The following TRAPPC11 variants were observed in gnomAD, a reference collection of about 807,000 sequenced individuals.
TRAPPC11 encodes trafficking protein particle complex subunit 11.
A neutral mutation model predicts 151.2 loss-of-function variants in TRAPPC11; 104 were observed. That is an observed-to-expected ratio of 0.69 (90% confidence interval 0.59 to 0.81). TRAPPC11 has a LOEUF of 0.81. Among genes scored for constraint, TRAPPC11 ranks in the 30% least tolerant of loss-of-function variants. The pLI, the probability that TRAPPC11 is intolerant of heterozygous loss-of-function variation, is 0.00. For synonymous variants in TRAPPC11, 456 were observed against 472.3 expected (o/e 0.97, Z 0.45); for missense variants, 1,230 against 1,349.6 (o/e 0.91, Z 1.39).
chr4:183,712,933 A>AT lies in TRAPPC11; in HGVS notation c.*292dup. On this transcript the variant is annotated 3_prime_UTR_variant, in exon 30 of 30. Transcript: ENST00000334690. ...TGGTAAATTCTATGAAAAGTAAGTG[A>AT]TTTGCATGTATAATATCAGGAAAAT... 2.7e-6 allele frequency: 1 copy of AT among 373,778 alleles called. No homozygotes were observed. The highest frequency in any genetic ancestry group is 4.8e-6 in the Non-Finnish European group (1 of 209,286). The allele number at this position is 373,778 out of a possible 1,614,324, so 23.2% of individuals were successfully genotyped here.
chr4:183,663,975 C>G lies in TRAPPC11; in HGVS notation c.108C>G (p.Val36=). The G allele has an allele frequency of 6.2e-7, 1 of 1,614,114 alleles. No homozygotes were observed. Among genetic ancestry groups the G allele is most frequent in the Non-Finnish European group, 8.5e-7 (1 of 1,180,032 alleles). ...DVVYNAVHRA[V]WDAFCANRRA... Reference sequence around the variant, plus strand: ...TTTATAATGCAGTCCATCGAGCTGTCTGGGACGCCTTCTGTGCAAATCGGA... The same window carrying G: ...TTTATAATGCAGTCCATCGAGCTGTGTGGGACGCCTTCTGTGCAAATCGGA... Residue 36 remains valine (V), a synonymous_variant, in exon 2 of 30, where the codon GTC becomes GTG. Transcript: ENST00000334690.
intron 18 of TRAPPC11, among the ~76,000 whole-genome samples, chr4:183,688,593 A>G (rs1579197278): frequency 1.3e-5 from 2 of 152,368 alleles, no homozygotes; most frequent in African/African-American, 4.8e-5. Context: ...GATTTGATTC[A>G]TAAGAAAAGA....
intron 29 of TRAPPC11, 126 bp from the exon 30 acceptor site, chr4:183,712,474 A>T (rs1304686802): frequency 1.1e-6 from 1 of 930,778 alleles, no homozygotes; most frequent in East Asian, 2.4e-5. Context: ...TTTTATTTTG[A>T]TGCTTACACT....
At chr4:183,667,007 A>T in intron 3 of TRAPPC11, 53 bp from the exon 4 acceptor site, 1 of 1,453,128 alleles carries the variant, frequency 6.9e-7, no homozygotes. Flanking sequence ...TGAAGTCATG[A>T]ATACATTTTT....
At chr4:183,667,221 A>G (rs1734928498) in intron 4 of TRAPPC11, 91 bp downstream of exon 4, 1 of 994,988 alleles carries the variant, frequency 1.0e-6, no homozygotes, top group Non-Finnish European at 1.6e-6. Flanking sequence ...TAAATCTTTT[A>G]TGCATTCAGT....
intron 1 of TRAPPC11, among the ~76,000 whole-genome samples, chr4:183,660,404 T>C (rs993225916): frequency 1.3e-5 from 2 of 152,224 alleles, no homozygotes; most frequent in African/African-American, 4.8e-5. Context: ...AGGTAAAATA[T>C]GTCATTAATA....
intron 6 of TRAPPC11, 70 bp downstream of exon 6, chr4:183,674,882 A>G: frequency 1.1e-6 from 1 of 934,664 alleles, no homozygotes; most frequent in Non-Finnish European, 1.7e-6. Context: ...TGATTATTAC[A>G]TGTTCTTAAT....
In TRAPPC11 at chr4:183,686,714, G is replaced by T. The variant is rs777944677; in HGVS notation, c.1859G>T (p.Arg620Met). ...AAGGCTGATTGTCCACATCCCATTAGGTTTTCCAAGCTCTGTGTCAGCTTT... is the reference window on the plus strand; with the variant it reads ...AAGGCTGATTGTCCACATCCCATTATGTTTTCCAAGCTCTGTGTCAGCTTT... ...YLKADCPHPI[R>M]FSKLCVSFNN... Residue 620 changes from arginine to methionine, a missense_variant, in exon 18 of 30, where the codon AGG becomes ATG. Physicochemically the swap from Arg to Met is moderately conservative, Grantham distance 91. Transcript: ENST00000334690. The T allele has an allele frequency of 1.2e-6, 2 of 1,614,028 alleles. No homozygotes were observed. The highest frequency in any genetic ancestry group is 2.2e-5 in the South Asian group (2 of 91,074).
At chr4:183,709,799 G>C (rs1388547200) in intron 29 of TRAPPC11, among the ~76,000 whole-genome samples, 1 of 152,074 alleles carries the variant, frequency 6.6e-6, no homozygotes, top group African/African-American at 2.4e-5. Flanking sequence ...ACTTGTAAAA[G>C]AAAAATCTCA....
chr4:183,678,342 G>A (rs1735515333), intron 8 of TRAPPC11, among the ~76,000 whole-genome samples: 1 of 152,156 alleles, frequency 6.6e-6, no homozygotes, highest in African/African-American at 2.4e-5. Flanking sequence ...TTTGCTTTTA[G>A]TTTTTTCACA....
chr4:183,666,577 CA>C, intron 3 of TRAPPC11, 151 bp downstream of exon 3: 2 of 703,960 alleles, frequency 2.8e-6, no homozygotes, highest in South Asian at 4.7e-5. Context: ...TCACAGGTAG[CA>C]TAATTATTGA....
At chr4:183,686,285 C>T (rs987732172) in intron 17 of TRAPPC11, among the ~76,000 whole-genome samples, 3 of 151,790 alleles carry the variant, frequency 2.0e-5, no homozygotes, top group African/African-American at 7.3e-5. Flanking sequence ...TATAGGTGCA[C>T]ACCACCATGC....
chr4:183,690,211 C>T (rs530018745), intron 18 of TRAPPC11, among the ~76,000 whole-genome samples: 16 of 115,120 alleles, frequency 1.4e-4, no homozygotes, highest in Admixed American at 1.1e-3. Context: ...AAGAAATTCA[C>T]AATATAAACC....
Position 183,684,335 on chromosome 4 carries a change from C to T in TRAPPC11, c.1397C>T (p.Ala466Val), listed in dbSNP as rs1735855563. The T allele has an allele frequency of 6.2e-7, 1 of 1,613,562 alleles. No homozygotes were observed. Among genetic ancestry groups the T allele is most frequent in the Admixed American group, 1.7e-5 (1 of 60,014 alleles). Reference protein sequence around the residue: ...MVQMGEEYYYAKDYTKALKLL... With the variant: ...MVQMGEEYYYVKDYTKALKLL... ...CAGATGGGAGAGGAATATTATTACG[C>T]AAAGGATTATACCAAAGCTTTGAAG... The change falls in exon 14 of 30, where the codon GCA (alanine) becomes GTA (valine). Residue 466 changes from alanine to valine, a missense_variant. Ala to Val is a moderately conservative substitution (Grantham distance 64, BLOSUM62 0). Transcript: ENST00000334690.
chr4:183,663,852 T>TTG lies in TRAPPC11; in HGVS notation c.-13_-12dup. On this transcript the variant is annotated 5_prime_UTR_variant, in exon 2 of 30. Transcript: ENST00000334690. ...TATTAACATTTGTATTTCAGGTTTT[T>TTG]TGTGACATCGTAAACATGAGCCCCA... 1 of 1,607,744 alleles carries TTG rather than the reference T, an allele frequency of 6.2e-7. No homozygotes were observed. The highest frequency in any genetic ancestry group is 8.5e-7 in the Non-Finnish European group (1 of 1,175,054).
chr4:183,707,079 C>A, intron 28 of TRAPPC11, 139 bp downstream of exon 28: 1 of 1,011,614 alleles, frequency 9.9e-7, no homozygotes, highest in Non-Finnish European at 1.4e-6. Flanking sequence ...AATTTTTAAG[C>A]ACCTTAAGTA....
chr4:183,674,394 G>T (rs1439075289), intron 5 of TRAPPC11, among the ~76,000 whole-genome samples: 2 of 147,542 alleles, frequency 1.4e-5, no homozygotes, highest in Non-Finnish European at 3.0e-5. Context: ...CTCCAGCCTG[G>T]GTAGTGACAG....
At chr4:183,701,881 C>T in intron 26 of TRAPPC11, 73 bp downstream of exon 26, 1 of 1,031,690 alleles carries the variant, frequency 9.7e-7, no homozygotes, top group Non-Finnish European at 1.5e-6. Context: ...TCATCTTTGT[C>T]ACTTAATATT....
Position 183,681,583 on chromosome 4 carries a change from A to G in TRAPPC11, c.1114-1149A>G, listed in dbSNP as rs372014133. The stretch of plus-strand genomic sequence containing the variant: ...ATCACAAGGTCAGGAGATCGAGACC[A>G]TCCTGGCTAACACGATGAAACCCCG... On this transcript the variant is annotated intron_variant, in intron 10 of 29. Transcript: ENST00000334690. Among the ~76,000 whole-genome samples, 560 of 152,226 alleles carry G rather than the reference A, an allele frequency of 3.7e-3. 2 individuals carry two copies. Among genetic ancestry groups the G allele is most frequent in the African/African-American group, 0.013 (531 of 41,546 alleles).
Sources: allele counts gnomAD v4.1 joint callset (sites outside exome capture counted in the v4.1 genomes callset), GRCh38; gene constraint gnomAD v4.1.1; transcripts MANE v1.5; gene names NCBI Gene and HGNC (gene_info 2026-07-23, HGNC 2026-07-21).